SYNE2: variants seen among roughly 807,000 people sequenced by gnomAD.
SYNE2 encodes the protein nesprin-2.
SYNE2 carries 431 observed loss-of-function variants against 856.3 expected under a neutral mutation model. That is an observed-to-expected ratio of 0.50 (90% CI 0.47 to 0.55). The LOEUF (loss-of-function observed/expected upper bound fraction) is 0.55, where lower values mean the gene tolerates loss of function less well. Among genes scored for constraint, SYNE2 ranks in the 20% least tolerant of loss-of-function variants. The probability of loss-of-function intolerance (pLI) is 0.00; values close to 1 mark genes in which losing one functional copy is unlikely to be tolerated. For missense variants in SYNE2, 8,129 were observed against 8,023.2 expected, an observed-to-expected ratio of 1.01 and a Z score of -0.50; for synonymous variants, 2,923 against 2,872.3, an observed-to-expected ratio of 1.02 and a Z score of -0.56.
Position 64,122,093 on chromosome 14 carries a change from T to G in SYNE2, c.13240T>G (p.Cys4414Gly). The change falls in exon 69 of 116, where the codon TGC becomes GGC. Residue 4414 changes from cysteine (C) to glycine (G), a missense_variant. This residue lies in a region of SYNE2 where 5,410 missense variants were observed against 5,284.8 expected (regional missense o/e 1.02). Coordinates refer to ENST00000555002, the MANE Select transcript of SYNE2 (RefSeq NM_182914.3). ...TGCTAAGAAAATGTGGCCCCAGTAT[T>G]GCCAACATGATAACGATACAACTCA... is the stretch of plus-strand genomic sequence containing the variant. ...FNAKKMWPQY[C>G]QHDNDTTQES... 6.2e-7 allele frequency: 1 copy of G among 1,614,122 alleles called. No homozygotes were observed. Among genetic ancestry groups the G allele is most frequent in the South Asian group, 1.1e-5 (1 of 91,086 alleles).
At chr14:63,895,986 G>A (rs1370627702) in intron 1 of SYNE2, among the ~76,000 whole-genome samples, 1 of 152,016 alleles carries the variant, frequency 6.6e-6, no homozygotes, top group African/African-American at 2.4e-5. Flanking sequence ...AAATTCTATA[G>A]AAGAAAAAAT....
intron 55 of SYNE2, 54 bp from the exon 56 acceptor site, chr14:64,080,402 C>T (rs1350265385): frequency 1.3e-6 from 2 of 1,568,532 alleles, no homozygotes; most frequent in East Asian, 2.2e-5. Flanking sequence ...CCAGGCATTG[C>T]CTCCATAAAC....
intron 1 of SYNE2, among the ~76,000 whole-genome samples, chr14:63,783,274 T>C (rs1350605729): frequency 6.6e-6 from 1 of 152,210 alleles, no homozygotes; most frequent in Non-Finnish European, 1.5e-5. Flanking sequence ...GGTATCTTGC[T>C]TTCCCTTTGC....
At chr14:64,041,020 T>G (rs1186986461) in intron 45 of SYNE2, among the ~76,000 whole-genome samples, 1 of 152,044 alleles carries the variant, frequency 6.6e-6, no homozygotes, top group African/African-American at 2.4e-5. Context: ...AATAAATTTC[T>G]CAACATGGAA....
chr14:64,054,435 G>A (rs551621474), intron 48 of SYNE2, among the ~76,000 whole-genome samples: 5 of 152,220 alleles, frequency 3.3e-5, no homozygotes, highest in South Asian at 2.1e-4. Flanking sequence ...TATTAGCCCC[G>A]TTTAAAAATA....
At chr14:63,811,963 C>A (rs758396386) in intron 1 of SYNE2, among the ~76,000 whole-genome samples, 15 of 152,166 alleles carry the variant, frequency 9.9e-5, no homozygotes, top group Admixed American at 6.6e-5. Flanking sequence ...AAATAAAAAA[C>A]TCCTGATAAG....
At chr14:64,068,242 A>C (rs2153596687) in intron 51 of SYNE2, among the ~76,000 whole-genome samples, 1 of 152,268 alleles carries the variant, frequency 6.6e-6, no homozygotes, top group South Asian at 2.1e-4. Context: ...GGTTTAAGAC[A>C]ATTCTGTCAC....
chr14:63,857,292 A>G (rs1171451993), intron 1 of SYNE2, among the ~76,000 whole-genome samples: 4 of 152,212 alleles, frequency 2.6e-5, no homozygotes, highest in African/African-American at 9.7e-5. Flanking sequence ...AGACTCATCC[A>G]CATTGTATCA....
intron 77 of SYNE2, among the ~76,000 whole-genome samples, chr14:64,133,232 A>G (rs2098043819): frequency 6.6e-6 from 1 of 151,756 alleles, no homozygotes; most frequent in South Asian, 2.1e-4. Flanking sequence ...AAGGAAGGAA[A>G]TGTTTAACTT....
In SYNE2 at chr14:64,091,053, G is replaced by A. The variant is rs772490248; in HGVS notation, c.11976+5G>A. On this transcript the variant is annotated splice_donor_5th_base_variant and intron_variant, in intron 60 of 115. Transcript: ENST00000555002. The stretch of plus-strand genomic sequence containing the variant: ...GAACAAAATGAGTTATTAAAGGTAA[G>A]CAGTTTCTGATGACATCCAACTTAC... 2.5e-6 allele frequency: 4 copies of A among 1,613,602 alleles called. No individual in the cohort carries two copies. Among genetic ancestry groups the A allele is most frequent in the Middle Eastern group, 1.7e-4 (1 of 6,060 alleles).
At chr14:63,984,741 C>T (rs760605129) in intron 18 of SYNE2, among the ~76,000 whole-genome samples, 5 of 152,210 alleles carry the variant, frequency 3.3e-5, no homozygotes, top group Non-Finnish European at 5.9e-5. Context: ...TTTAAACTGG[C>T]TCAGACCTAC....
intron 1 of SYNE2, among the ~76,000 whole-genome samples, chr14:63,843,769 A>G (rs1481671924): frequency 6.6e-6 from 1 of 152,234 alleles, no homozygotes; most frequent in East Asian, 1.9e-4. Context: ...CACTATTGAT[A>G]TAGTGAATTA....
intron 1 of SYNE2, among the ~76,000 whole-genome samples, chr14:63,862,314 C>G (rs1232028320): frequency 1.3e-5 from 2 of 152,232 alleles, no homozygotes; most frequent in African/African-American, 2.4e-5. Context: ...CGAAGTCTCG[C>G]TCTGTCACCC....
Position 63,951,462 on chromosome 14 carries a change from C to G in SYNE2, c.590+1456C>G, listed in dbSNP as rs560154600. Among the ~76,000 whole-genome samples, 27 of 152,120 alleles carry G rather than the reference C, an allele frequency of 1.8e-4. 1 individual carries two copies. Among genetic ancestry groups the G allele is most frequent in the Non-Finnish European group, 1.2e-4 (8 of 68,026 alleles). On this transcript the variant is annotated intron_variant, in intron 7 of 115. Transcript: ENST00000555002. The stretch of plus-strand genomic sequence containing the variant: ...GCATTACAGCTGTGCACCACCATGC[C>G]CAGCTAATTTTGTATTTTTAGTAGA...
chr14:64,194,233 CAAATT>C (rs1323965016), intron 99 of SYNE2, among the ~76,000 whole-genome samples: 1 of 151,968 alleles, frequency 6.6e-6, no homozygotes, highest in Non-Finnish European at 1.5e-5. Context: ...GTTCATTTGT[CAAATT>C]AAAGGAAGAG....
At chr14:64,055,202 G>A (rs985228830) in intron 48 of SYNE2, among the ~76,000 whole-genome samples, 2 of 151,954 alleles carry the variant, frequency 1.3e-5, no homozygotes, top group African/African-American at 4.8e-5. Flanking sequence ...CTTTTCATTT[G>A]TTCACAAATA....
At chr14:63,945,481 T>C (rs2096011895) in intron 6 of SYNE2, among the ~76,000 whole-genome samples, 1 of 152,248 alleles carries the variant, frequency 6.6e-6, no homozygotes, top group African/African-American at 2.4e-5. Context: ...TACCTTATTG[T>C]AGCAAGTATC....
At chr14:63,943,998 C>T (rs181414175) in intron 6 of SYNE2, among the ~76,000 whole-genome samples, 172 of 151,766 alleles carry the variant, frequency 1.1e-3, no homozygotes, top group Admixed American at 1.4e-3. Context: ...AAAATCTAAA[C>T]CAAATATGGT....
chr14:63,982,774 T>A lies in SYNE2; in HGVS notation c.1981T>A (p.Leu661Met), dbSNP rs1212653484. The change falls in exon 17 of 116, where the codon TTG (leucine) becomes ATG (methionine). Residue 661 changes from leucine to methionine, a missense_variant. Leu to Met is a conservative substitution (Grantham distance 15, BLOSUM62 2). Coordinates refer to ENST00000555002, the MANE Select transcript of SYNE2 (RefSeq NM_182914.3). Reference sequence around the variant, plus strand: ...AAGGCTGAATAAAAGATGGAGAAAGTTGGTTTCAAAAACTCAACTTGTAAG... The same window carrying A: ...AAGGCTGAATAAAAGATGGAGAAAGATGGTTTCAAAAACTCAACTTGTAAG... Reference protein sequence around the residue: ...LRRLNKRWRKLVSKTQLEMNL... With the variant: ...LRRLNKRWRKMVSKTQLEMNL... The A allele has an allele frequency of 1.2e-6, 2 of 1,614,046 alleles. No individual in the cohort carries two copies. Among genetic ancestry groups the A allele is most frequent in the Non-Finnish European group, 1.7e-6 (2 of 1,179,976 alleles).
Sources: allele counts gnomAD v4.1 joint callset (sites outside exome capture counted in the v4.1 genomes callset), GRCh38; gene constraint gnomAD v4.1.1; regional missense constraint gnomAD v4.1.1; transcripts MANE v1.5; gene names NCBI Gene and HGNC (gene_info 2026-07-23, HGNC 2026-07-21).